MYH10: variants seen among roughly 807,000 people sequenced by gnomAD.
The protein encoded by MYH10 is myosin-10.
In MYH10, 55 loss-of-function variants were observed where a neutral mutation model predicts 257.8. The ratio of observed to expected loss-of-function variants is 0.21; its 90% CI spans 0.17 to 0.27. MYH10 has a LOEUF of 0.27. MYH10 is among the 10% of genes least tolerant of loss of function. The pLI is 1.00. For synonymous variants in MYH10, 854 were observed against 921.7 expected (o/e 0.93, Z 1.33); for missense variants, 1,631 against 2,500.6 (o/e 0.65, Z 7.42).
At chr17:8,586,588 C>G (rs1326730797) in intron 4 of MYH10, among the ~76,000 whole-genome samples, 1 of 152,098 alleles carries the variant, frequency 6.6e-6, no homozygotes. Flanking sequence ...GATGACTGCC[C>G]CTTTGTACCC....
In MYH10 at chr17:8,518,650, T is replaced by G. The variant is rs551940564; in HGVS notation, c.2485A>C (p.Arg829=). 78 of 1,613,258 alleles carry G rather than the reference T, an allele frequency of 4.8e-5. 1 individual carries two copies. The highest frequency in any genetic ancestry group is 6.1e-5 in the Non-Finnish European group (72 of 1,179,798). Reference sequence around the variant, plus strand: ...ACTCACTTTCTGGCCAGGTAACCTCTGCAAACGGCCTGGAAGAAGATAATG... The same window carrying G: ...ACTCACTTTCTGGCCAGGTAACCTCGGCAAACGGCCTGGAAGAAGATAATG... ...DIIIFFQAVC[R]GYLARKAFAK... The change falls in exon 21 of 43, where the codon AGA becomes CGA. Residue 829 remains arginine, a synonymous_variant. Coordinates refer to ENST00000360416, the MANE Select transcript of MYH10 (RefSeq NM_001256012.3).
Position 8,475,192 on chromosome 17 carries a change from T to TGCC in MYH10, c.*611_*612insGGC, listed in dbSNP as rs1462974224. ...TCGACTCGAGGGGCAGGGCCCCCCT[T>TGCC]GGGGGATGGACATGGTAACCCCAAA... On this transcript the variant is annotated 3_prime_UTR_variant, in exon 43 of 43. Transcript: ENST00000360416. 1 of 153,000 alleles carries TGCC rather than the reference T, an allele frequency of 6.5e-6. No individual in the cohort carries two copies. Among genetic ancestry groups the TGCC allele is most frequent in the Non-Finnish European group, 1.5e-5 (1 of 68,676 alleles). The allele number at this position is 153,000 out of a possible 1,614,324, so 9.5% of individuals were successfully genotyped here. A position where few individuals can be genotyped will look rare whatever the true frequency, so the allele number is the denominator to read the frequency against.
intron 28 of MYH10, among the ~76,000 whole-genome samples, chr17:8,501,577 A>C (rs2080897639): frequency 6.6e-6 from 1 of 152,238 alleles, no homozygotes; most frequent in African/African-American, 2.4e-5. Flanking sequence ...CTTAGCGTCC[A>C]TGTGAAGAAG....
intron 30 of MYH10, among the ~76,000 whole-genome samples, chr17:8,496,817 T>A (rs1028037094): frequency 6.6e-6 from 1 of 152,210 alleles, no homozygotes; most frequent in African/African-American, 2.4e-5. Context: ...TTCCCACTAT[T>A]TCCTGAACAA....
rs1402093095 is a variant in MYH10 at position 8,576,642 on chromosome 17, C to T, written c.663+1G>A. The T allele has an allele frequency of 2.6e-6, 4 of 1,550,612 alleles. No homozygotes were observed. Among genetic ancestry groups the T allele is most frequent in the Non-Finnish European group, 3.5e-6 (4 of 1,146,872 alleles). On this transcript the variant is annotated splice_donor_variant, in intron 6 of 42. Transcript: ENST00000360416. LOFTEE classifies it high-confidence loss of function. ...TAAGAAGCATAAAGAAGAGCACTTGCCTGGTGTTTCACTGGTTTAGGCGAT... is the reference window on the plus strand; with the variant it reads ...TAAGAAGCATAAAGAAGAGCACTTGTCTGGTGTTTCACTGGTTTAGGCGAT...
intron 24 of MYH10, 22 bp from the exon 25 acceptor site, chr17:8,509,971 G>A (rs777454818): frequency 1.3e-6 from 2 of 1,579,070 alleles, no homozygotes; most frequent in Admixed American, 1.9e-5. Flanking sequence ...CACACAGTCA[G>A]TCTCGCCACT....
chr17:8,551,976 T>C (rs2082657270), intron 9 of MYH10, 70 bp downstream of exon 9: 3 of 890,714 alleles, frequency 3.4e-6, no homozygotes, highest in Non-Finnish European at 4.9e-6. Context: ...CCCAAAATTG[T>C]TTTTTCTCAA....
intron 17 of MYH10, among the ~76,000 whole-genome samples, chr17:8,523,409 AACAG>A (rs1430225293): frequency 6.6e-6 from 1 of 152,266 alleles, no homozygotes; most frequent in Non-Finnish European, 1.5e-5. Flanking sequence ...CAAAGAAAAT[AACAG>A]GATGCCATAG....
chr17:8,474,280 A>G lies in MYH10; in HGVS notation c.*1524T>C, dbSNP rs1912149284. 1 of 152,594 alleles carries G rather than the reference A, an allele frequency of 6.6e-6. No individual in the cohort carries two copies. The highest frequency in any genetic ancestry group is 1.5e-5 in the Non-Finnish European group (1 of 68,032). 9.5% of individuals were successfully genotyped at this position (152,594 alleles called of 1,614,324 possible). On this transcript the variant is annotated 3_prime_UTR_variant, in exon 43 of 43. Transcript: ENST00000360416. ...CGGGTGCTTTTTTCTTCAAGTAAAC[A>G]GAGCAGGCGCAAATATCTATAATGA...
At chr17:8,514,856 T>C (rs1163431293) in intron 21 of MYH10, among the ~76,000 whole-genome samples, 1 of 152,162 alleles carries the variant, frequency 6.6e-6, no homozygotes, top group Non-Finnish European at 1.5e-5. Flanking sequence ...ACTTAGCGGC[T>C]TTTCCTCAGC....
chr17:8,616,113 G>A (rs1378527058), intron 2 of MYH10, among the ~76,000 whole-genome samples: 1 of 152,060 alleles, frequency 6.6e-6, no homozygotes, highest in African/African-American at 2.4e-5. Context: ...GCGAAACCCT[G>A]TCTCTACAAA....
At chr17:8,522,056 C>T (rs2081671497) in intron 17 of MYH10, among the ~76,000 whole-genome samples, 1 of 152,220 alleles carries the variant, frequency 6.6e-6, no homozygotes. Flanking sequence ...AGACCATAAA[C>T]AGTACACCAG....
At chr17:8,604,337 C>G (rs998085431) in intron 3 of MYH10, among the ~76,000 whole-genome samples, 1 of 152,186 alleles carries the variant, frequency 6.6e-6, no homozygotes, top group African/African-American at 2.4e-5. Context: ...AATGACTCCT[C>G]AAATTTATAT....
intron 6 of MYH10, among the ~76,000 whole-genome samples, chr17:8,571,266 C>G (rs939555378): frequency 2.0e-5 from 3 of 151,188 alleles, no homozygotes; most frequent in African/African-American, 4.9e-5. Flanking sequence ...ACTCCGTCTC[C>G]TGGGTTCATG....
chr17:8,565,475 G>A (rs2083134028), intron 7 of MYH10, among the ~76,000 whole-genome samples: 1 of 152,126 alleles, frequency 6.6e-6, no homozygotes, highest in Admixed American at 6.5e-5. Context: ...GATAACAGTA[G>A]ATAGCAATAA....
chr17:8,561,357 A>G, intron 7 of MYH10: 1 of 1,158,060 alleles, frequency 8.6e-7, no homozygotes, highest in Non-Finnish European at 1.3e-6. Flanking sequence ...GTCATTCGAA[A>G]CACAGTGGAG....
chr17:8,484,350 TGTGTTGCCC>T, intron 36 of MYH10, 84 bp from the exon 37 acceptor site: 1 of 1,364,314 alleles, frequency 7.3e-7, no homozygotes, highest in Non-Finnish European at 1.0e-6. Flanking sequence ...GAGCCCTGGC[TGTGTTGCCC>T]AGGCTGATCT....
At chr17:8,501,863 G>A (rs764640919) in intron 28 of MYH10, among the ~76,000 whole-genome samples, 4 of 152,096 alleles carry the variant, frequency 2.6e-5, no homozygotes, top group Non-Finnish European at 4.4e-5. Context: ...TTTAAAATTG[G>A]CTGTAACAAA....
chr17:8,595,118 A>T (rs1427916110), intron 3 of MYH10, among the ~76,000 whole-genome samples: 1 of 152,170 alleles, frequency 6.6e-6, no homozygotes, highest in African/African-American at 2.4e-5. Context: ...ATGAATCTCA[A>T]ATGCATTATG....
Sources: allele counts gnomAD v4.1 joint callset (sites outside exome capture counted in the v4.1 genomes callset), GRCh38; gene constraint gnomAD v4.1.1; transcripts MANE v1.5; gene names NCBI Gene and HGNC (gene_info 2026-07-23, HGNC 2026-07-21).